ZZEF1: variants seen among roughly 807,000 people sequenced by gnomAD.
ZZEF1 encodes zinc finger ZZ-type and EF-hand domain containing 1, also known as zinc finger ZZ-type and EF-hand domain-containing protein 1.
ZZEF1 carries 157 observed loss-of-function variants against 342.8 expected under a neutral mutation model. The observed-to-expected ratio is 0.46, with a 90% CI of 0.40 to 0.52. ZZEF1 has a LOEUF of 0.52. Ranked by LOEUF, ZZEF1 falls within the 20% of genes least tolerant of loss-of-function variation. The probability of loss-of-function intolerance (pLI) is 0.00; values close to 1 mark genes in which losing one functional copy is unlikely to be tolerated. For synonymous variants in ZZEF1, 1,505 were observed against 1,429.1 expected, an observed-to-expected ratio of 1.05 and a Z score of -1.20; for missense variants, 3,480 against 3,725.6, an observed-to-expected ratio of 0.93 and a Z score of 1.72.
chr17:4,008,569 C>T lies in ZZEF1; in HGVS notation c.8805+314G>A, dbSNP rs1174079973. 9.0e-7 allele frequency: 1 copy of T among 1,109,454 alleles called. No homozygotes were observed. Among genetic ancestry groups the T allele is most frequent in the East Asian group, 5.8e-5 (1 of 17,324 alleles). The allele number at this position is 1,109,454 out of a possible 1,614,324, so 68.7% of individuals were successfully genotyped here. ...CCGCTACCAGAGAAGCAACTCACAT[C>T]TAAAAATATGTGAAATCTAACTCCA... On this transcript the variant is annotated intron_variant, in intron 54 of 54. Transcript: ENST00000381638. This position sits in a 1 kb window ranked among gnomAD's most constrained non-coding sequence, Gnocchi z 4.2.
In ZZEF1 at chr17:4,123,268, CATATATATATAT is replaced by C. The variant is rs60101709; in HGVS notation, c.499+627_499+638del. Among the ~76,000 whole-genome samples the C allele has an allele frequency of 1.6e-3, 133 of 85,326 alleles. 2 individuals are homozygous for C. In the Middle Eastern group the frequency reaches 0.03, roughly 19 times the overall value. The allele number at this position is 85,326 out of a possible 152,430, so 56.0% of individuals were successfully genotyped here. On this transcript the variant is annotated intron_variant, in intron 2 of 54. Transcript: ENST00000381638. ...TTTATACATTAGAATTTATCATAAC[CATATATATATAT>C]ATATATATATATATATATATATATA...
intron 11 of ZZEF1, among the ~76,000 whole-genome samples, chr17:4,092,121 A>T (rs1387196535): frequency 1.3e-5 from 2 of 151,204 alleles, no homozygotes; most frequent in Non-Finnish European, 2.9e-5. Context: ...AATAAGAAGG[A>T]GAAAAAGAGC....
At position 4,005,617 on chromosome 17, in the gene ZZEF1, G is replaced by A. The variant is rs1307760562; in HGVS notation, c.*1273C>T. Reference sequence around the variant, plus strand: ...GGCCCTTGCAATCCAGATCCCTGCAGACCCTGCACAGAGGGATCTTCAGAG... The same window carrying A: ...GGCCCTTGCAATCCAGATCCCTGCAAACCCTGCACAGAGGGATCTTCAGAG... On this transcript the variant is annotated 3_prime_UTR_variant, in exon 55 of 55. Coordinates refer to ENST00000381638, the MANE Select transcript of ZZEF1 (RefSeq NM_015113.4). 6.6e-6 allele frequency: 1 copy of A among 152,388 alleles called. No homozygotes were observed. Among genetic ancestry groups the A allele is most frequent in the African/African-American group, 2.4e-5 (1 of 41,478 alleles). 9.4% of individuals were successfully genotyped at this position (152,388 alleles called of 1,614,324 possible).
At chr17:4,063,357 C>T (rs537852313) in intron 29 of ZZEF1, among the ~76,000 whole-genome samples, 2 of 152,248 alleles carry the variant, frequency 1.3e-5, no homozygotes, top group Admixed American at 6.5e-5. Flanking sequence ...AGAAAGATTC[C>T]TTGAACCCAG....
chr17:4,014,633 C>A lies in ZZEF1; in HGVS notation c.8146-118G>T. The A allele has an allele frequency of 1.9e-6, 2 of 1,073,718 alleles. No homozygotes were observed. Among genetic ancestry groups the A allele is most frequent in the South Asian group, 2.8e-5 (2 of 70,526 alleles). The allele number at this position is 1,073,718 out of a possible 1,614,324, so 66.5% of individuals were successfully genotyped here. A position where few individuals can be genotyped will look rare whatever the true frequency, so the allele number is the denominator to read the frequency against. ...GTGTGTGAGAATGAGTGAACCACAG[C>A]CCTGGCCTCCAGGAGTGCAGAGTCC... is the stretch of plus-strand genomic sequence containing the variant. On this transcript the variant is annotated intron_variant, in intron 49 of 54. Transcript: ENST00000381638. The surrounding 1 kb of genome is among the most constrained non-coding windows in gnomAD (Gnocchi z 4.4).
At chr17:4,030,303 G>C (rs2056513611) in intron 42 of ZZEF1, among the ~76,000 whole-genome samples, 1 of 152,148 alleles carries the variant, frequency 6.6e-6, no homozygotes, top group African/African-American at 2.4e-5. Flanking sequence ...ATGCCAGGCT[G>C]AGAGAAATTA....
At chr17:4,115,227 G>A (rs1388918070) in intron 3 of ZZEF1, among the ~76,000 whole-genome samples, 1 of 152,050 alleles carries the variant, frequency 6.6e-6, no homozygotes, top group African/African-American at 2.4e-5. Flanking sequence ...GGTCATCCCT[G>A]TGTTGCCCAG....
chr17:4,134,008 T>G (rs905376707), intron 1 of ZZEF1, among the ~76,000 whole-genome samples: 1 of 152,172 alleles, frequency 6.6e-6, no homozygotes, highest in Non-Finnish European at 1.5e-5. Flanking sequence ...CCAGGCCATT[T>G]TTGCTATTTT....
intron 43 of ZZEF1, among the ~76,000 whole-genome samples, chr17:4,024,325 G>T (rs1284872063): frequency 6.6e-6 from 1 of 150,384 alleles, no homozygotes; most frequent in East Asian, 2.0e-4. Flanking sequence ...AGCCTCCCGA[G>T]TAGCTGGGAT....
At chr17:4,044,645 A>C (rs2056873453) in intron 37 of ZZEF1, among the ~76,000 whole-genome samples, 1 of 151,780 alleles carries the variant, frequency 6.6e-6, no homozygotes, top group Admixed American at 6.6e-5. Context: ...TAGCCTCCTG[A>C]GTAGCTGGGA....
At position 4,014,319 on chromosome 17, in the gene ZZEF1, C is replaced by T. The variant is rs1406989786; in HGVS notation, c.8314+28G>A. 1.9e-6 allele frequency: 3 copies of T among 1,613,684 alleles called. No homozygotes were observed. Among genetic ancestry groups the T allele is most frequent in the Non-Finnish European group, 1.7e-6 (2 of 1,179,756 alleles). ...AGTTTAAACACTGCCTGTGAAGAAC[C>T]TATCTAATCGAGTATTTGTTTCACT... On this transcript the variant is annotated intron_variant, in intron 50 of 54. Coordinates refer to ENST00000381638, the MANE Select transcript of ZZEF1 (RefSeq NM_015113.4). The surrounding 1 kb of genome is among the most constrained non-coding windows in gnomAD (Gnocchi z 4.4).
chr17:4,069,230 G>GTAAAAAGATTA (rs2057462221), intron 26 of ZZEF1, among the ~76,000 whole-genome samples: 1 of 152,100 alleles, frequency 6.6e-6, no homozygotes, highest in South Asian at 2.1e-4. Flanking sequence ...ATTCCTTCAA[G>GTAAAAAGATTA]TAAAAAGATT....
chr17:4,032,961 A>T lies in ZZEF1; in HGVS notation c.6626T>A (p.Leu2209Gln). The change falls in exon 41 of 55, where the codon CTG becomes CAG. Residue 2209 changes from leucine (L) to glutamine (Q), a missense_variant. By Grantham distance (113) the Leu-to-Gln change is moderately radical (BLOSUM62 -2). Coordinates refer to ENST00000381638, the MANE Select transcript of ZZEF1 (RefSeq NM_015113.4). ...LDWACSMAEI[L>Q]RSLNSAPLWR... ...CAGTGGGGCACTGTTGAGTGACCGC[A>T]GGATCTCTGCCATGGAGCACGCCCA... is the stretch of plus-strand genomic sequence containing the variant. The T allele has an allele frequency of 6.2e-7, 1 of 1,603,374 alleles. No homozygotes were observed. The highest frequency in any genetic ancestry group is 8.5e-7 in the Non-Finnish European group (1 of 1,174,756).
chr17:4,011,238 T>TA (rs2055945324), intron 52 of ZZEF1, among the ~76,000 whole-genome samples: 1 of 151,722 alleles, frequency 6.6e-6, no homozygotes, highest in Non-Finnish European at 1.5e-5. Flanking sequence ...CCCATCTCCA[T>TA]AAAAAAACAG....
chr17:4,033,540 A>T (rs1041975589), intron 40 of ZZEF1: 1 of 168,298 alleles, frequency 5.9e-6, no homozygotes, highest in Non-Finnish European at 1.3e-5. Flanking sequence ...TAGTAGAGAC[A>T]GGGTTTCACT....
In ZZEF1 at chr17:4,059,155, TAA is replaced by T; in HGVS notation, c.5003+14_5003+15del. The T allele has an allele frequency of 6.5e-7, 1 of 1,548,638 alleles. No homozygotes were observed. Among genetic ancestry groups the T allele is most frequent in the Non-Finnish European group, 8.6e-7 (1 of 1,156,444 alleles). On this transcript the variant is annotated intron_variant, in intron 31 of 54. Coordinates refer to ENST00000381638, the MANE Select transcript of ZZEF1 (RefSeq NM_015113.4). ...ATACATTTTTTTTCTCTAGAAATGA[TAA>T]AGTTATCCAGTACCTGTCATTTAGG...
chr17:4,064,631 G>T lies in ZZEF1; in HGVS notation c.4448C>A (p.Ala1483Asp), dbSNP rs964595801. The change falls in exon 29 of 55, where the codon GCC becomes GAC. Residue 1483 changes from alanine to aspartate, a missense_variant. By Grantham distance (126) the Ala-to-Asp change is moderately radical (BLOSUM62 -2). Transcript: ENST00000381638. ...CAGGCCAGGACTCTGGTCTCCTGTG[G>T]CAGGGGGTGCGGCTTCAGTGGGAGA... The part of the protein sequence containing the change: ...SVSPTEAAPP[A>D]TGDQSPGLGT... 6.2e-7 allele frequency: 1 copy of T among 1,614,070 alleles called. No homozygotes were observed. The highest frequency in any genetic ancestry group is 1.3e-5 in the African/African-American group (1 of 74,908).
chr17:4,105,640 C>T (rs1368987997), intron 7 of ZZEF1, 53 bp downstream of exon 7: 10 of 1,271,400 alleles, frequency 7.9e-6, no homozygotes, highest in Admixed American at 4.1e-5. Context: ...ACTTAACAAG[C>T]ATACGTGCAC....
chr17:4,039,940 A>G (rs1288890730), intron 39 of ZZEF1, among the ~76,000 whole-genome samples: 4 of 152,184 alleles, frequency 2.6e-5, no homozygotes, highest in Non-Finnish European at 4.4e-5. Flanking sequence ...CACCGTGCCC[A>G]GCCGAGAACA....
Sources: gnomAD v4.1 joint callset for allele counts (sites outside exome capture counted in the v4.1 genomes callset) on GRCh38, gnomAD v4.1.1 for gene constraint, Gnocchi (gnomAD v3.1) non-coding constraint, MANE v1.5 for transcripts, NCBI Gene and HGNC (gene_info 2026-07-23, HGNC 2026-07-21) for gene names.